TTC17: variants seen among roughly 807,000 people sequenced by gnomAD.
The protein encoded by TTC17 is tetratricopeptide repeat protein 17.
In TTC17, 58 loss-of-function variants were observed where a neutral mutation model predicts 143.8. The ratio of observed to expected loss-of-function variants is 0.40; its 90% CI spans 0.33 to 0.50. The LOEUF (loss-of-function observed/expected upper bound fraction) is 0.50. Among genes scored for constraint, TTC17 ranks in the 20% least tolerant of loss-of-function variants. The pLI, the probability that TTC17 is intolerant of heterozygous loss-of-function variation, is 0.49. For missense variants in TTC17, 1,273 were observed against 1,392.5 expected, an observed-to-expected ratio of 0.91 and a Z score of 1.37; for synonymous variants, 501 against 497.8, an observed-to-expected ratio of 1.01 and a Z score of -0.09.
intron 18 of TTC17, 118 bp from the exon 19 acceptor site, chr11:43,447,884 C>A: frequency 7.8e-7 from 1 of 1,276,788 alleles, no homozygotes; most frequent in Non-Finnish European, 1.1e-6. Context: ...TTAAAGACTA[C>A]AGGAATGACT....
intron 2 of TTC17, among the ~76,000 whole-genome samples, chr11:43,386,408 GGTAA>G (rs1283167882): frequency 6.6e-6 from 1 of 152,116 alleles, no homozygotes; most frequent in Non-Finnish European, 1.5e-5. Flanking sequence ...GTAACATAAT[GGTAA>G]GTATTTGTAT....
intron 23 of TTC17, 67 bp downstream of exon 23, chr11:43,492,230 C>A: frequency 1.3e-6 from 2 of 1,547,054 alleles, no homozygotes; most frequent in Non-Finnish European, 1.8e-6. Flanking sequence ...GATTTCAAAA[C>A]CTCTTTGAAT....
At chr11:43,448,232 C>A in intron 19 of TTC17, 110 bp downstream of exon 19, 8 of 1,456,944 alleles carry the variant, frequency 5.5e-6, no homozygotes, top group Non-Finnish European at 7.3e-6. Flanking sequence ...CTTTCTAGAG[C>A]TGAATTTTCA....
chr11:43,405,364 C>T (rs1485549874), intron 11 of TTC17, 150 bp from the exon 12 acceptor site: 1 of 649,496 alleles, frequency 1.5e-6, no homozygotes, highest in African/African-American at 1.8e-5. Context: ...GATTAATAAT[C>T]TGCAGTAGCA....
intron 21 of TTC17, among the ~76,000 whole-genome samples, chr11:43,471,662 A>G (rs1948095262): frequency 6.6e-6 from 1 of 152,236 alleles, no homozygotes; most frequent in South Asian, 2.1e-4. Flanking sequence ...TCAACTTCCC[A>G]TGAGTATTCA....
chr11:43,420,488 T>C (rs1395689701), intron 16 of TTC17, among the ~76,000 whole-genome samples: 3 of 152,240 alleles, frequency 2.0e-5, no homozygotes, highest in Non-Finnish European at 2.9e-5. Flanking sequence ...CAGTTTAACA[T>C]GTCACCCTGA....
At chr11:43,405,169 C>CATAAG (rs1195822685) in intron 11 of TTC17, among the ~76,000 whole-genome samples, 4 of 148,904 alleles carry the variant, frequency 2.7e-5, no homozygotes, top group African/African-American at 9.9e-5. Context: ...TTTTCATGGT[C>CATAAG]ATGACAGCCA....
chr11:43,480,417 G>C (rs560656177), intron 21 of TTC17, among the ~76,000 whole-genome samples: 9 of 152,246 alleles, frequency 5.9e-5, no homozygotes, highest in African/African-American at 1.9e-4. Flanking sequence ...CCCTAGAATT[G>C]TGTGACCTAC....
In TTC17 at chr11:43,414,596, AC is replaced by A; in HGVS notation, c.2073del (p.Leu693Ter). 1 of 1,596,874 alleles carries A rather than the reference AC, an allele frequency of 6.3e-7. No homozygotes were observed. The highest frequency in any genetic ancestry group is 1.1e-5 in the South Asian group (1 of 88,682). On this transcript the variant is annotated frameshift_variant, in exon 16 of 24. Coordinates refer to ENST00000039989, the MANE Select transcript of TTC17 (RefSeq NM_018259.6). LOFTEE classifies it high-confidence loss of function. ...ALAINSSEPLTFLSLGNAYLA... is the reference protein window; with the variant it reads ...ALAINSSEPLXFLSLGNAYLA... ...GATTTTTTTTTCTTTTCAGCCTCTG[AC>A]CTTTTTGAGCCTGGGAAATGCTTAC...
intron 16 of TTC17, among the ~76,000 whole-genome samples, chr11:43,419,157 A>C (rs1286759543): frequency 6.6e-6 from 1 of 152,232 alleles, no homozygotes; most frequent in Admixed American, 6.5e-5. Context: ...ACTTAAAAAA[A>C]TTGGCCCAGA....
At chr11:43,443,177 G>A (rs960070693) in intron 16 of TTC17, 148 bp from the exon 17 acceptor site, 7 of 893,210 alleles carry the variant, frequency 7.8e-6, no homozygotes, top group African/African-American at 1.7e-5. Context: ...GTATTTTGAA[G>A]ATGCTGAATG....
chr11:43,465,680 A>C (rs1947957408), intron 21 of TTC17, among the ~76,000 whole-genome samples: 2 of 152,202 alleles, frequency 1.3e-5, no homozygotes, highest in Non-Finnish European at 2.9e-5. Flanking sequence ...AAGACCATTC[A>C]ATGGGGAAAA....
At position 43,404,023 on chromosome 11, in the gene TTC17, G is replaced by T. The variant is rs762539862; in HGVS notation, c.1358G>T (p.Ser453Ile). The change falls in exon 11 of 24, where the codon AGT becomes ATT. Residue 453 changes from serine (S) to isoleucine (I), a missense_variant. Transcript: ENST00000039989. The stretch of plus-strand genomic sequence containing the variant: ...TTTGGTGAGGATTCATCAACCTCCA[G>T]TATGATGTCTGTGAACTTTGATGTT... ...VQFGEDSSTSSMMSVNFDVQS... is the reference protein window; with the variant it reads ...VQFGEDSSTSIMMSVNFDVQS... 4.3e-6 allele frequency: 7 copies of T among 1,610,644 alleles called. No individual in the cohort carries two copies. The highest frequency in any genetic ancestry group is 5.9e-6 in the Non-Finnish European group (7 of 1,178,708).
At chr11:43,457,015 A>G (rs764509703) in intron 21 of TTC17, among the ~76,000 whole-genome samples, 8 of 152,012 alleles carry the variant, frequency 5.3e-5, no homozygotes, top group Non-Finnish European at 1.2e-4. Context: ...TCATCTTAAT[A>G]CTACTTGGAT....
chr11:43,434,021 G>A (rs1487866162), intron 16 of TTC17, among the ~76,000 whole-genome samples: 1 of 152,048 alleles, frequency 6.6e-6, no homozygotes, highest in Admixed American at 6.6e-5. Context: ...CTTATGTTTA[G>A]CTCCCCTGAC....
chr11:43,480,208 A>C (rs1332012411), intron 21 of TTC17, among the ~76,000 whole-genome samples: 1 of 152,232 alleles, frequency 6.6e-6, no homozygotes, highest in Non-Finnish European at 1.5e-5. Context: ...TTCATTCAGC[A>C]AATGGTTAGT....
chr11:43,484,077 G>C (rs761255059), intron 21 of TTC17, among the ~76,000 whole-genome samples: 36 of 152,190 alleles, frequency 2.4e-4, no homozygotes, highest in Non-Finnish European at 4.9e-4. Flanking sequence ...AGGAGGCGGA[G>C]GTTGCAGTGA....
chr11:43,419,430 GC>G (rs926269501), intron 16 of TTC17, among the ~76,000 whole-genome samples: 4 of 151,874 alleles, frequency 2.6e-5, no homozygotes, highest in African/African-American at 7.3e-5. Flanking sequence ...TTGTTTCATT[GC>G]CTGTAGTTTT....
intron 18 of TTC17, chr11:43,447,440 T>C (rs1947567395): frequency 6.6e-6 from 1 of 152,378 alleles, no homozygotes; most frequent in South Asian, 2.1e-4. Context: ...AGTGGTTCTC[T>C]CTACTGGGTG....
Sources: gnomAD v4.1 joint callset for allele counts (sites outside exome capture counted in the v4.1 genomes callset) on GRCh38, gnomAD v4.1.1 for gene constraint, MANE v1.5 for transcripts, NCBI Gene and HGNC (gene_info 2026-07-23, HGNC 2026-07-21) for gene names.